The following PATJ variants were observed in gnomAD, a reference collection of about 807,000 sequenced individuals.
The protein encoded by PATJ is PATJ crumbs cell polarity complex component.
PATJ carries 190 observed loss-of-function variants against 224.9 expected under a neutral mutation model. The ratio of observed to expected loss-of-function variants is 0.84; its 90% CI spans 0.75 to 0.95. The LOEUF is 0.95. PATJ is among the 40% of genes least tolerant of loss of function. PATJ has a pLI of 0.00. For missense variants in PATJ, 2,121 were observed against 2,270.3 expected, an observed-to-expected ratio of 0.93 and a Z score of 1.34; for synonymous variants, 769 against 820.3, an observed-to-expected ratio of 0.94 and a Z score of 1.07.
intron 7 of PATJ, among the ~76,000 whole-genome samples, chr1:61,786,281 C>T (rs1163833033): frequency 6.6e-6 from 1 of 152,206 alleles, no homozygotes; most frequent in East Asian, 1.9e-4. Context: ...CTTGGCCTCC[C>T]AAAGTGCTGG....
chr1:61,797,082 G>T (rs766855855), intron 10 of PATJ, among the ~76,000 whole-genome samples: 22 of 152,006 alleles, frequency 1.4e-4, no homozygotes, highest in Non-Finnish European at 3.1e-4. Flanking sequence ...GGCTAGTCTG[G>T]TCTCGAACTC....
intron 10 of PATJ, among the ~76,000 whole-genome samples, chr1:61,796,644 A>G (rs1426876078): frequency 2.0e-5 from 3 of 149,806 alleles, no homozygotes; most frequent in African/African-American, 7.5e-5. Flanking sequence ...AATATATCCT[A>G]AGGTCTAAAT....
intron 34 of PATJ, among the ~76,000 whole-genome samples, chr1:62,112,254 C>T (rs977114786): frequency 6.6e-6 from 1 of 151,910 alleles, no homozygotes; most frequent in African/African-American, 2.4e-5. Flanking sequence ...GCCTGTAATC[C>T]CAGCACTTTG....
intron 27 of PATJ, among the ~76,000 whole-genome samples, chr1:61,958,801 G>A (rs1342991088): frequency 1.3e-5 from 2 of 152,128 alleles, no homozygotes; most frequent in African/African-American, 4.8e-5. Context: ...GACTTTCTCT[G>A]GAGCCTCACT....
chr1:62,123,070 A>G lies in PATJ; in HGVS notation c.5043+12A>G. 6.3e-7 allele frequency: 1 copy of G among 1,581,734 alleles called. No individual in the cohort carries two copies. Among genetic ancestry groups the G allele is most frequent in the South Asian group, 1.1e-5 (1 of 87,758 alleles). On this transcript the variant is annotated intron_variant, in intron 39 of 43. Coordinates refer to ENST00000642238, the MANE Select transcript of PATJ (RefSeq NM_001350145.3). ...TTGAGATAAACAGGGTAAGTCAGTC[A>G]TTTTGCTGTATGTATTTTTCTGGTT...
At chr1:61,811,986 G>A (rs866481223) in intron 14 of PATJ, among the ~76,000 whole-genome samples, 9 of 151,578 alleles carry the variant, frequency 5.9e-5, no homozygotes, top group African/African-American at 1.9e-4. Context: ...GCGTGAACCC[G>A]GGAGGCGGAG....
In PATJ at chr1:62,086,649, T is replaced by A. The variant is rs74076520; in HGVS notation, c.4377+2001T>A. On this transcript the variant is annotated intron_variant, in intron 33 of 43. Coordinates refer to ENST00000642238, the MANE Select transcript of PATJ (RefSeq NM_001350145.3). This position sits in a 1 kb window ranked among gnomAD's most constrained non-coding sequence, Gnocchi z 4.0. ...GGGTGGGGAGATCCTAATCTACTTTTGTGTAATAAATATTAGTTCCCTAAA... is the reference window on the plus strand; with the variant it reads ...GGGTGGGGAGATCCTAATCTACTTTAGTGTAATAAATATTAGTTCCCTAAA... Among the ~76,000 whole-genome samples, 6,474 of 152,244 alleles carry A rather than the reference T, an allele frequency of 0.043. 298 individuals carry two copies. Among genetic ancestry groups the A allele is most frequent in the African/African-American group, 0.12 (5,026 of 41,502 alleles).
rs1361361276 is a variant in PATJ, at chr1:62,148,476, G to A, written c.5378+86G>A. 4.3e-6 allele frequency: 4 copies of A among 931,104 alleles called. No homozygotes were observed. In the East Asian group the frequency reaches 9.7e-5, roughly 22 times the overall value. 57.7% of individuals were successfully genotyped at this position (931,104 alleles called of 1,614,324 possible). On this transcript the variant is annotated intron_variant, in intron 42 of 43. Transcript: ENST00000642238. Reference sequence around the variant, plus strand: ...CCAGACACTCAAGTGCACTCTAAAGGAGAAGTGGCCAAAGCGCCCGTGACT... The same window carrying A: ...CCAGACACTCAAGTGCACTCTAAAGAAGAAGTGGCCAAAGCGCCCGTGACT...
chr1:61,944,507 G>A (rs141712604), intron 27 of PATJ, among the ~76,000 whole-genome samples: 1 of 152,242 alleles, frequency 6.6e-6, no homozygotes, highest in African/African-American at 2.4e-5. Context: ...GAAATGAAGG[G>A]AGAAGAGAAG....
At chr1:62,032,635 C>T (rs1649549814) in intron 29 of PATJ, among the ~76,000 whole-genome samples, 1 of 152,122 alleles carries the variant, frequency 6.6e-6, no homozygotes, top group East Asian at 1.9e-4. Context: ...AAATCAGGAT[C>T]CAGAATGTGT....
At chr1:61,968,012 C>A (rs1340168087) in intron 27 of PATJ, among the ~76,000 whole-genome samples, 2 of 151,982 alleles carry the variant, frequency 1.3e-5, no homozygotes, top group Non-Finnish European at 2.9e-5. Context: ...CATCTCAGCC[C>A]TGCCTGAAAA....
At position 62,160,864 on chromosome 1, in the gene PATJ, CTG is replaced by C. The variant is rs140641242; in HGVS notation, c.5503-40_5503-39del. The C allele has an allele frequency of 1.8e-4, 286 of 1,601,602 alleles. 2 individuals are homozygous for C. In the East Asian group the frequency reaches 5.9e-3, roughly 33 times the overall value. On this transcript the variant is annotated intron_variant, in intron 43 of 43. Coordinates refer to ENST00000642238, the MANE Select transcript of PATJ (RefSeq NM_001350145.3). ...GGTTTTAATATCAATTTAATATAAA[CTG>C]TGTTTTACCCTGGATTAAACTGAAA... is the stretch of plus-strand genomic sequence containing the variant.
At position 62,128,896 on chromosome 1, in the gene PATJ, C is replaced by A. The variant is rs752012529; in HGVS notation, c.5222C>A (p.Ala1741Glu). ...CAACCTTTGGATGGGCTGTCTCACG[C>A]GGATGTGGTTAATCTGCTGAAGAAC... ...NGQPLDGLSH[A>E]DVVNLLKNAY... Residue 1741 changes from alanine to glutamate, a missense_variant, in exon 41 of 44, where the codon GCG becomes GAG. Ala to Glu is a moderately radical substitution (Grantham distance 107). Coordinates refer to ENST00000642238, the MANE Select transcript of PATJ (RefSeq NM_001350145.3). The A allele has an allele frequency of 1.2e-6, 2 of 1,613,368 alleles. No homozygotes were observed. The highest frequency in any genetic ancestry group is 1.7e-6 in the Non-Finnish European group (2 of 1,179,502).
rs889762402 is a variant in PATJ, at chr1:62,162,516, G to T, written c.*1462G>T. 5.3e-5 allele frequency: 8 copies of T among 152,240 alleles called. No homozygotes were observed. Among genetic ancestry groups the T allele is most frequent in the Non-Finnish European group, 8.8e-5 (6 of 68,070 alleles). The allele number at this position is 152,240 out of a possible 1,614,324, so 9.4% of individuals were successfully genotyped here. ...ATCTCCAAGGAGACTCCCATTTGCT[G>T]AAGTTTTGCATGCTAAGAAATCAAC... On this transcript the variant is annotated 3_prime_UTR_variant, in exon 44 of 44. Coordinates refer to ENST00000642238, the MANE Select transcript of PATJ (RefSeq NM_001350145.3).
chr1:61,742,741 G>A (rs1644820809), intron 1 of PATJ, among the ~76,000 whole-genome samples, 186 bp downstream of exon 1: 1 of 150,910 alleles, frequency 6.6e-6, no homozygotes, highest in South Asian at 2.1e-4. Flanking sequence ...GCGCTCAGAG[G>A]GGCCGCGGCG....
chr1:61,869,359 G>A (rs947865089), intron 20 of PATJ, among the ~76,000 whole-genome samples: 6 of 152,044 alleles, frequency 3.9e-5, no homozygotes, highest in African/African-American at 9.7e-5. Context: ...GCCCGCCTCG[G>A]CCTCCCAAAG....
intron 41 of PATJ, among the ~76,000 whole-genome samples, chr1:62,144,777 A>AAAAAAATATATATATAT (rs377489788): frequency 8.4e-6 from 1 of 119,102 alleles, no homozygotes; most frequent in East Asian, 3.5e-4. Context: ...AAAAAAAAAA[A>AAAAAAATATATATATAT]ATATATATAT....
At chr1:61,874,754 T>C (rs77868755) in intron 20 of PATJ, among the ~76,000 whole-genome samples, 1,664 of 152,350 alleles carry the variant, frequency 0.011, 25 homozygotes, top group African/African-American at 0.037. Flanking sequence ...ACAGCACTTA[T>C]CTGTAGGTTT....
intron 1 of PATJ, among the ~76,000 whole-genome samples, chr1:61,748,400 A>G (rs1333745619): frequency 2.0e-5 from 3 of 150,758 alleles, no homozygotes; most frequent in East Asian, 3.9e-4. Context: ...GACTGCAGGC[A>G]TGCACCACCA....
Sources: allele counts gnomAD v4.1 joint callset (sites outside exome capture counted in the v4.1 genomes callset), GRCh38; gene constraint gnomAD v4.1.1; non-coding constraint Gnocchi (gnomAD v3.1); transcripts MANE v1.5; gene names NCBI Gene and HGNC (gene_info 2026-07-23, HGNC 2026-07-21).